The following WDR86 variants were observed in gnomAD, a reference collection of about 807,000 sequenced individuals.
WDR86 encodes WD repeat domain 86, also known as WD repeat-containing protein 86.
Under a neutral mutation model 36.5 loss-of-function variants are expected in WDR86, and 30 were observed. That is an observed-to-expected ratio of 0.82 (90% CI 0.61 to 1.11). The LOEUF is 1.11. Ranked by LOEUF, WDR86 falls within the 50% of genes most tolerant of loss-of-function variation. The probability of loss-of-function intolerance (pLI) is 0.00; values close to 1 mark genes in which losing one functional copy is unlikely to be tolerated. For synonymous variants in WDR86, 255 were observed against 252.9 expected (o/e 1.01, Z -0.08); for missense variants, 545 against 561.2 (o/e 0.97, Z 0.29).
intron 3 of WDR86, among the ~76,000 whole-genome samples, chr7:151,395,266 G>T (rs1245848787): frequency 6.6e-6 from 1 of 152,228 alleles, no homozygotes; most frequent in Non-Finnish European, 1.5e-5. Context: ...CAGGCGCCCT[G>T]CAGGCAGGCT....
chr7:151,377,393 G>A (rs6952675), downstream of WDR86: 134,330 of 480,558 alleles, frequency 0.28, 20,325 homozygotes, highest in East Asian at 0.43. Context: ...GCCTTCATGC[G>A]TGGTCTCGGG....
downstream of WDR86, chr7:151,374,593 A>G (rs1798121582): frequency 2.9e-6 from 1 of 345,392 alleles, no homozygotes; most frequent in African/African-American, 2.1e-5. Context: ...AACTTGTAGT[A>G]TAATTGTTTG....
intron 3 of WDR86, among the ~76,000 whole-genome samples, chr7:151,392,332 C>G (rs940644338): frequency 6.6e-6 from 1 of 151,896 alleles, no homozygotes; most frequent in African/African-American, 2.4e-5. Flanking sequence ...GACACTTGGA[C>G]CCCCATCCAC....
chr7:151,410,212 T>C (rs1801116320), upstream of WDR86, among the ~76,000 whole-genome samples: 2 of 152,200 alleles, frequency 1.3e-5, no homozygotes, highest in African/African-American at 2.4e-5. Flanking sequence ...CTCTGGGCTC[T>C]GGCCTCTGCC....
intron 3 of WDR86, among the ~76,000 whole-genome samples, chr7:151,394,318 C>T (rs1307988960): frequency 1.3e-5 from 2 of 152,206 alleles, no homozygotes; most frequent in Non-Finnish European, 2.9e-5. Flanking sequence ...GGTCTTGGAG[C>T]CCCGGGGCCG....
rs953863033 is a variant in WDR86 at position 151,381,751 on chromosome 7, G to A, written c.967-5C>T. 2.7e-6 allele frequency: 4 copies of A among 1,509,116 alleles called. No individual in the cohort carries two copies. The highest frequency in any genetic ancestry group is 2.8e-5 in the African/African-American group (2 of 70,878). The allele number at this position is 1,509,116 out of a possible 1,614,324, so 93.5% of individuals were successfully genotyped here. A position where few individuals can be genotyped will look rare whatever the true frequency, so the allele number is the denominator to read the frequency against. ...GTAGAGCACCTGGCCGTGCACCTGCGGGCGCAGGGGCGGGCGTCACCGGTG... is the reference window on the plus strand; with the variant it reads ...GTAGAGCACCTGGCCGTGCACCTGCAGGCGCAGGGGCGGGCGTCACCGGTG... On this transcript the variant is annotated splice_polypyrimidine_tract_variant and splice_region_variant and intron_variant, in intron 5 of 5. Transcript: ENST00000334493. The surrounding 1 kb of genome is among the most constrained non-coding windows in gnomAD (Gnocchi z 4.8).
At chr7:151,408,195 TTTTC>T (rs1458934405) in intron 1 of WDR86, among the ~76,000 whole-genome samples, 78 of 118,512 alleles carry the variant, frequency 6.6e-4, no homozygotes, top group African/African-American at 2.7e-3. Context: ...TTTTCTTTTC[TTTTC>T]TTTTTTTTTT....
downstream of WDR86, chr7:151,374,038 T>C: frequency 6.6e-7 from 1 of 1,505,574 alleles, no homozygotes; most frequent in East Asian, 2.5e-5. Flanking sequence ...GAGCGCAGAC[T>C]GAGAGGCTGT....
chr7:151,381,294 TG>T lies in WDR86; in HGVS notation c.*287del, dbSNP rs1331129784. The stretch of plus-strand genomic sequence containing the variant: ...GGCAGTCCGCCTGCAGCCCCTGAGG[TG>T]GGAGGGTCCCCAGGACTAGGCCTTT... On this transcript the variant is annotated 3_prime_UTR_variant, in exon 6 of 6. Coordinates refer to ENST00000334493, the MANE Select transcript of WDR86 (RefSeq NM_198285.3). This position sits in a 1 kb window ranked among gnomAD's most constrained non-coding sequence, Gnocchi z 4.8. The T allele has an allele frequency of 7.6e-7, 1 of 1,313,654 alleles. No individual in the cohort carries two copies. Among genetic ancestry groups the T allele is most frequent in the Admixed American group, 4.2e-5 (1 of 24,046 alleles). The allele number at this position is 1,313,654 out of a possible 1,614,324, so 81.4% of individuals were successfully genotyped here. A position where few individuals can be genotyped will look rare whatever the true frequency, so the allele number is the denominator to read the frequency against.
intron 4 of WDR86, among the ~76,000 whole-genome samples, chr7:151,383,281 C>A (rs1798740459): frequency 6.6e-6 from 1 of 151,944 alleles, no homozygotes. Context: ...TGAGACCAGC[C>A]TGGCCAACAT....
downstream of WDR86, chr7:151,378,027 A>C (rs1260181178): frequency 6.6e-6 from 1 of 152,266 alleles, no homozygotes; most frequent in African/African-American, 2.4e-5. Context: ...GAGACCTATC[A>C]GAGATTTAGA....
downstream of WDR86, among the ~76,000 whole-genome samples, chr7:151,375,160 G>A (rs909862415): frequency 9.9e-5 from 15 of 152,146 alleles, no homozygotes; most frequent in Non-Finnish European, 1.5e-4. Context: ...CCTGTTCCCC[G>A]GAAGGCTCCA....
intron 2 of WDR86, among the ~76,000 whole-genome samples, chr7:151,398,335 G>GCA (rs1800023357): frequency 6.6e-6 from 1 of 152,100 alleles, no homozygotes; most frequent in South Asian, 2.1e-4. Flanking sequence ...TGTGTAAGTT[G>GCA]TGTATGAGTG....
At chr7:151,394,548 C>T (rs942164336) in intron 3 of WDR86, among the ~76,000 whole-genome samples, 9 of 152,214 alleles carry the variant, frequency 5.9e-5, no homozygotes, top group African/African-American at 2.2e-4. Flanking sequence ...AGAGGCTGGC[C>T]GAGACTGAGC....
At chr7:151,397,554 G>A (rs1426972113) in intron 2 of WDR86, among the ~76,000 whole-genome samples, 1 of 152,114 alleles carries the variant, frequency 6.6e-6, no homozygotes. Context: ...CTCCCGAGTA[G>A]CTGGGATTAC....
intron 3 of WDR86, 137 bp from the exon 4 acceptor site, chr7:151,385,360 C>T (rs1039736946): frequency 6.9e-5 from 99 of 1,433,788 alleles, no homozygotes; most frequent in Non-Finnish European, 8.2e-5. Flanking sequence ...GCCCCGCCAC[C>T]GGCCCCACCA....
rs1317476661 is a variant in WDR86, at chr7:151,403,130, C to T, written c.164-2889G>A. Among the ~76,000 whole-genome samples, 3 of 152,206 alleles carry T rather than the reference C, an allele frequency of 2.0e-5. No homozygotes were observed. In the East Asian group the frequency reaches 5.8e-4, roughly 29 times the overall value. On this transcript the variant is annotated intron_variant, in intron 1 of 5. Coordinates refer to ENST00000334493, the MANE Select transcript of WDR86 (RefSeq NM_198285.3). ...ACACATCGCTTCACTTGTGTGGATT[C>T]AGTGTAGGACTTGGTGAGCAGGGAA...
chr7:151,377,304 T>C (rs1798347754), downstream of WDR86: 4 of 1,030,962 alleles, frequency 3.9e-6, no homozygotes, highest in Non-Finnish European at 5.5e-6. Flanking sequence ...CTTTCTGTTC[T>C]TACTTTTTAT....
intron 4 of WDR86, among the ~76,000 whole-genome samples, chr7:151,383,564 G>C (rs544639525): frequency 6.6e-6 from 1 of 152,008 alleles, no homozygotes; most frequent in South Asian, 2.1e-4. Context: ...AGATCCTCCC[G>C]CCTTGGCTTC....
Sources: allele counts gnomAD v4.1 joint callset (sites outside exome capture counted in the v4.1 genomes callset), GRCh38; gene constraint gnomAD v4.1.1; non-coding constraint Gnocchi (gnomAD v3.1); transcripts MANE v1.5; gene names NCBI Gene and HGNC (gene_info 2026-07-23, HGNC 2026-07-21).